SESN2: variants seen among roughly 807,000 people sequenced by gnomAD.
SESN2 encodes the protein sestrin 2, also known as sestrin-2.
SESN2 carries 42 observed loss-of-function variants against 56.0 expected under a neutral mutation model. The observed-to-expected ratio is 0.75, with a 90% CI of 0.59 to 0.97. The LOEUF (loss-of-function observed/expected upper bound fraction) is 0.97. Among genes scored for constraint, SESN2 ranks in the 50% least tolerant of loss-of-function variants. The probability of loss-of-function intolerance (pLI) is 0.00; values close to 1 mark genes in which losing one functional copy is unlikely to be tolerated. For synonymous variants in SESN2, 264 were observed against 267.1 expected (o/e 0.99, Z 0.11); for missense variants, 507 against 649.4 (o/e 0.78, Z 2.38).
At chr1:28,275,666 C>T (rs756987588) in intron 8 of SESN2, among the ~76,000 whole-genome samples, 4 of 151,984 alleles carry the variant, frequency 2.6e-5, no homozygotes, top group Non-Finnish European at 4.4e-5. Flanking sequence ...GCAGGAGAAT[C>T]GCTTGAACCG....
At chr1:28,265,363 C>T (rs1557730458) in intron 1 of SESN2, among the ~76,000 whole-genome samples, 1 of 152,236 alleles carries the variant, frequency 6.6e-6, no homozygotes, top group East Asian at 1.9e-4. Flanking sequence ...TTCCCTCTGG[C>T]TGGAATGCTG....
Position 28,269,227 on chromosome 1 carries a change from C to T in SESN2, c.135C>T (p.Ser45=), listed in dbSNP as rs540473811. 669 of 1,612,624 alleles carry T rather than the reference C, an allele frequency of 4.1e-4. 12 individuals are homozygous for T. The South Asian group carries it at 6.7e-3, about 16-fold the overall frequency. Residue 45 remains serine, a synonymous_variant, in exon 2 of 10, where the codon AGC becomes AGT. Coordinates refer to ENST00000253063, the MANE Select transcript of SESN2 (RefSeq NM_031459.5). ...CTCGGCGAGGCCCTCGAGGGCCCAGCGCCTTCATCCCCGTGGAGGAGGTAA... is the reference window on the plus strand; with the variant it reads ...CTCGGCGAGGCCCTCGAGGGCCCAGTGCCTTCATCCCCGTGGAGGAGGTAA... ...SRARRGPRGP[S]AFIPVEEVLR...
At position 28,272,289 on chromosome 1, in the gene SESN2, C is replaced by T. The variant is rs148360345; in HGVS notation, c.360C>T (p.Ala120=). The T allele has an allele frequency of 1.1e-4, 174 of 1,613,716 alleles. No homozygotes were observed. Among genetic ancestry groups the T allele is most frequent in the South Asian group, 2.5e-4 (23 of 91,050 alleles). Residue 120 remains alanine, a synonymous_variant, in exon 4 of 10, where the codon GCC becomes GCT. Coordinates refer to ENST00000253063, the MANE Select transcript of SESN2 (RefSeq NM_031459.5). The part of the protein sequence containing the change: ...SWRHYIAIMA[A]ARHQCSYLVG... ...TGTGTCCACTACCTCCGCAGGCTGCCGCCCGCCATCAGTGTTCTTACCTGG... is the reference window on the plus strand; with the variant it reads ...TGTGTCCACTACCTCCGCAGGCTGCTGCCCGCCATCAGTGTTCTTACCTGG...
In SESN2 at chr1:28,271,805, G is replaced by C. The variant is rs1409522292; in HGVS notation, c.288G>C (p.Leu96=). 4 of 1,614,208 alleles carry C rather than the reference G, an allele frequency of 2.5e-6. No homozygotes were observed. ...ACTACTTTACCAGCTTCTGGCGCCT[G>C]CACTACCTGCTGCTGCACACGGATG... The part of the protein sequence containing the change: ...HPDYFTSFWR[L]HYLLLHTDGP... Residue 96 remains leucine (L), a synonymous_variant, in exon 3 of 10, where the codon CTG becomes CTC. Coordinates refer to ENST00000253063, the MANE Select transcript of SESN2 (RefSeq NM_031459.5).
In SESN2 at chr1:28,276,813, A is replaced by G. The variant is rs567893174; in HGVS notation, c.1211+1798A>G. On this transcript the variant is annotated intron_variant, in intron 8 of 9. Transcript: ENST00000253063. Reference sequence around the variant, plus strand: ...AGGCTGGTCTCAAACTTCTCACCTCAGGTGATCTGCCCGCCTCAGCCTCCC... The same window carrying G: ...AGGCTGGTCTCAAACTTCTCACCTCGGGTGATCTGCCCGCCTCAGCCTCCC... Among the ~76,000 whole-genome samples, 7 of 149,536 alleles carry G rather than the reference A, an allele frequency of 4.7e-5. No homozygotes were observed. The East Asian group carries it at 1.4e-3, about 29-fold the overall frequency.
At chr1:28,277,901 C>T (rs114316780) in intron 8 of SESN2, among the ~76,000 whole-genome samples, 34 of 152,272 alleles carry the variant, frequency 2.2e-4, no homozygotes, top group Non-Finnish European at 4.3e-4. Context: ...GGCTGGTTTC[C>T]GCCCAGCCCT....
intron 8 of SESN2, among the ~76,000 whole-genome samples, chr1:28,276,672 C>T (rs1489592919): frequency 3.4e-5 from 5 of 147,408 alleles, no homozygotes; most frequent in African/African-American, 7.5e-5. Flanking sequence ...CTCCGCCTCC[C>T]GGATTCGAGG....
Position 28,274,136 on chromosome 1 carries a change from C to T in SESN2, c.998C>T (p.Ala333Val), listed in dbSNP as rs1647935389. 1 of 1,612,874 alleles carries T rather than the reference C, an allele frequency of 6.2e-7. No homozygotes were observed. Among genetic ancestry groups the T allele is most frequent in the Non-Finnish European group, 8.5e-7 (1 of 1,178,880 alleles). Reference protein sequence around the residue: ...YEDFTRRGAQAPPTFRAQDYT... With the variant: ...YEDFTRRGAQVPPTFRAQDYT... ...GACTTCACTCGGAGAGGGGCTCAGG[C>T]ACCCCCTACCTTCCGGGCCCAGGTA... is the stretch of plus-strand genomic sequence containing the variant. The change falls in exon 7 of 10, where the codon GCA becomes GTA. Residue 333 changes from alanine (A) to valine (V), a missense_variant. Ala to Val is a moderately conservative substitution (Grantham distance 64). Transcript: ENST00000253063.
At chr1:28,279,016 C>G (rs1648143252) in intron 8 of SESN2, 81 bp from the exon 9 acceptor site, 2 of 1,405,176 alleles carry the variant, frequency 1.4e-6, no homozygotes, top group Non-Finnish European at 2.0e-6. Context: ...TCTGTTCTTC[C>G]CTCTGTAGGG....
rs773478311 is a variant in SESN2 at position 28,272,816 on chromosome 1, G to GA, written c.750+24dup. The GA allele has an allele frequency of 4.9e-6, 7 of 1,428,194 alleles. No homozygotes were observed. The South Asian group carries it at 7.6e-5, about 15-fold the overall frequency. 88.5% of individuals were successfully genotyped at this position (1,428,194 alleles called of 1,614,324 possible). A position where few individuals can be genotyped will look rare whatever the true frequency, so the allele number is the denominator to read the frequency against. ...GGGGTAAGTCACGGGCCTGGGTCTT[G>GA]ATCGGGGAGGAAGCGGGCATGACCT... On this transcript the variant is annotated intron_variant, in intron 5 of 9. Transcript: ENST00000253063.
At position 28,281,763 on chromosome 1, in the gene SESN2, G is replaced by C. The variant is rs895073371; in HGVS notation, c.*961G>C. ...CATGGCTCAGCAGGAGGGGCGGGAG[G>C]CACCAGGGTTCTTGTTTGGACCCTG... On this transcript the variant is annotated 3_prime_UTR_variant, in exon 10 of 10. Coordinates refer to ENST00000253063, the MANE Select transcript of SESN2 (RefSeq NM_031459.5). 1 of 152,246 alleles carries C rather than the reference G, an allele frequency of 6.6e-6. No homozygotes were observed. Among genetic ancestry groups the C allele is most frequent in the Non-Finnish European group, 1.5e-5 (1 of 68,094 alleles). The allele number at this position is 152,246 out of a possible 1,614,324, so 9.4% of individuals were successfully genotyped here.
intron 1 of SESN2, 111 bp downstream of exon 1, chr1:28,260,048 A>T (rs1171513326): frequency 3.9e-5 from 31 of 787,100 alleles, no homozygotes; most frequent in Non-Finnish European, 5.7e-5. Flanking sequence ...GGGAAAGCCG[A>T]GCGCGTAACC....
chr1:28,272,605 A>T lies in SESN2; in HGVS notation c.562A>T (p.Thr188Ser). 6.2e-7 allele frequency: 1 copy of T among 1,613,968 alleles called. No individual in the cohort carries two copies. Among genetic ancestry groups the T allele is most frequent in the East Asian group, 2.2e-5 (1 of 44,874 alleles). The change falls in exon 5 of 10, where the codon ACT (threonine) becomes TCT (serine). Residue 188 changes from threonine to serine, a missense_variant. Physicochemically the swap from Thr to Ser is moderately conservative, Grantham distance 58. Transcript: ENST00000253063. ...GGCCTTGCTGAAGACCGGCGAGCAC[A>T]CTTGGTCCCTGGCCGAGCTCATTCA... ...IQALLKTGEH[T>S]WSLAELIQAL...
intron 1 of SESN2, among the ~76,000 whole-genome samples, chr1:28,260,292 G>C (rs898294077): frequency 2.6e-5 from 4 of 152,090 alleles, no homozygotes; most frequent in African/African-American, 9.7e-5. Flanking sequence ...GCGTCTTCAA[G>C]TCCAGGCAAA....
At chr1:28,276,514 C>T (rs1234986164) in intron 8 of SESN2, among the ~76,000 whole-genome samples, 2 of 151,056 alleles carry the variant, frequency 1.3e-5, no homozygotes, top group Non-Finnish European at 2.9e-5. Context: ...AAAAATTATC[C>T]ATTATACTAT....
intron 8 of SESN2, among the ~76,000 whole-genome samples, chr1:28,276,570 C>CTTTTTTT (rs57474365): frequency 3.2e-5 from 3 of 94,734 alleles, no homozygotes; most frequent in African/African-American, 9.3e-5. Context: ...TTTTTCTTTC[C>CTTTTTTT]TTTTTTTTTT....
intron 7 of SESN2, 113 bp from the exon 8 acceptor site, chr1:28,274,712 A>G: frequency 1.2e-6 from 1 of 825,740 alleles, no homozygotes; most frequent in Non-Finnish European, 2.0e-6. Flanking sequence ...GCAGCACGTT[A>G]GGTTTATGGC....
At position 28,272,160 on chromosome 1, in the gene SESN2, G is replaced by A. The variant is rs1359909105; in HGVS notation, c.355-124G>A. 1.0e-5 allele frequency: 11 copies of A among 1,053,922 alleles called. No individual in the cohort carries two copies. In the Admixed American group the frequency reaches 2.1e-4, roughly 20 times the overall value. The allele number at this position is 1,053,922 out of a possible 1,614,324, so 65.3% of individuals were successfully genotyped here. A position where few individuals can be genotyped will look rare whatever the true frequency, so the allele number is the denominator to read the frequency against. On this transcript the variant is annotated intron_variant, in intron 3 of 9. Transcript: ENST00000253063. ...CTGGTGGCAGAGCTGGGGTTACTTA[G>A]AACTTAGATTTCCTGCCTCTTGGGG...
intron 7 of SESN2, 65 bp from the exon 8 acceptor site, chr1:28,274,760 G>A: frequency 7.9e-7 from 1 of 1,266,206 alleles, no homozygotes; most frequent in South Asian, 1.3e-5. Context: ...AGGTCCAGAG[G>A]ATGGGGGTCT....
Sources: gnomAD v4.1 joint callset for allele counts (sites outside exome capture counted in the v4.1 genomes callset) on GRCh38, gnomAD v4.1.1 for gene constraint, MANE v1.5 for transcripts, NCBI Gene and HGNC (gene_info 2026-07-23, HGNC 2026-07-21) for gene names.